The following OIP5 variants were observed in gnomAD, a reference collection of about 807,000 sequenced individuals.
OIP5 encodes the protein Opa interacting protein 5.
In OIP5, 24 loss-of-function variants were observed where a neutral mutation model predicts 20.3. The observed-to-expected ratio is 1.18, with a 90% CI of 0.86 to 1.66. The LOEUF (loss-of-function observed/expected upper bound fraction) is 1.66, where lower values mean the gene tolerates loss of function less well. Ranked by LOEUF, OIP5 falls within the 40% of genes most tolerant of loss-of-function variation. The pLI, the probability that OIP5 is intolerant of heterozygous loss-of-function variation, is 0.00. For synonymous variants in OIP5, 143 were observed against 121.3 expected (o/e 1.18, Z -1.17); for missense variants, 339 against 289.5 (o/e 1.17, Z -1.24).
At chr15:41,331,514 G>T (rs1055458557) in intron 2 of OIP5, among the ~76,000 whole-genome samples, 4 of 152,212 alleles carry the variant, frequency 2.6e-5, no homozygotes, top group Middle Eastern at 6.3e-3. Flanking sequence ...GAGCCAGGAA[G>T]GTAGGGGCTG....
chr15:41,315,066 C>T (rs1359947270), intron 3 of OIP5, among the ~76,000 whole-genome samples: 1 of 146,652 alleles, frequency 6.8e-6, no homozygotes, highest in East Asian at 2.0e-4. Context: ...GAACCATGAT[C>T]GCTCCAGCCT....
At chr15:41,319,849 C>G in intron 2 of OIP5, 69 bp from the exon 3 acceptor site, 1 of 1,348,936 alleles carries the variant, frequency 7.4e-7, no homozygotes, top group Non-Finnish European at 1.0e-6. Flanking sequence ...AATAACTAGT[C>G]TCTGAAGCAT....
intron 3 of OIP5, among the ~76,000 whole-genome samples, chr15:41,316,789 CAAAAAAAAA>C (rs11385589): frequency 1.4e-3 from 86 of 61,914 alleles, no homozygotes; most frequent in Non-Finnish European, 2.3e-3. Context: ...GACTCCATCT[CAAAAAAAAA>C]AAAAAAAAAA....
intron 2 of OIP5, among the ~76,000 whole-genome samples, chr15:41,321,217 C>T (rs977900642): frequency 4.0e-5 from 6 of 149,872 alleles, no homozygotes; most frequent in Admixed American, 2.6e-4. Context: ...GTCAGCCCCC[C>T]GCCCGGCCAG....
chr15:41,329,548 T>C (rs1207827753), intron 2 of OIP5, among the ~76,000 whole-genome samples: 1 of 151,992 alleles, frequency 6.6e-6, no homozygotes, highest in Non-Finnish European at 1.5e-5. Context: ...ACTCCCGACC[T>C]TGTGATCTGC....
At chr15:41,310,688 T>C (rs1465582211) in intron 4 of OIP5, among the ~76,000 whole-genome samples, 1 of 151,206 alleles carries the variant, frequency 6.6e-6, no homozygotes, top group Non-Finnish European at 1.5e-5. Flanking sequence ...AGACAAAACA[T>C]TGCTGAGCAG....
At position 41,322,429 on chromosome 15, in the gene OIP5, T is replaced by C. The variant is rs1281477308; in HGVS notation, c.390-2649A>G. ...TTGGTTTTTTTTTGAGACAAGTTCTTGCTCTGTCGCCCAGGTTAGAACGTA... is the reference window on the plus strand; with the variant it reads ...TTGGTTTTTTTTTGAGACAAGTTCTCGCTCTGTCGCCCAGGTTAGAACGTA... On this transcript the variant is annotated intron_variant, in intron 2 of 4. Coordinates refer to ENST00000220514, the MANE Select transcript of OIP5 (RefSeq NM_007280.2). Among the ~76,000 whole-genome samples the C allele has an allele frequency of 2.0e-5, 3 of 152,274 alleles. No individual in the cohort carries two copies. In the South Asian group the frequency reaches 6.2e-4, roughly 32 times the overall value.
At chr15:41,319,823 C>A in intron 2 of OIP5, 43 bp from the exon 3 acceptor site, 1 of 1,515,202 alleles carries the variant, frequency 6.6e-7, no homozygotes, top group Non-Finnish European at 8.9e-7. Flanking sequence ...AATAAAAAAT[C>A]ATATAAGAAA....
rs536529443 is a variant in OIP5 at position 41,329,883 on chromosome 15, T to C, written c.389+2032A>G. 4.6e-4 allele frequency among the ~76,000 whole-genome samples: 69 copies of C among 150,130 alleles called. 2 individuals carry two copies. In the Middle Eastern group the frequency reaches 0.018, roughly 39 times the overall value. On this transcript the variant is annotated intron_variant, in intron 2 of 4. Coordinates refer to ENST00000220514, the MANE Select transcript of OIP5 (RefSeq NM_007280.2). ...GCCCAGCTAATTTTTGTATTTCTAG[T>C]AGAAACAGTTTCACTATCTTGGCTA...
At chr15:41,320,860 T>C (rs1384025876) in intron 2 of OIP5, among the ~76,000 whole-genome samples, 5 of 132,766 alleles carry the variant, frequency 3.8e-5, no homozygotes, top group African/African-American at 1.2e-4. Context: ...CCGGCCGCCA[T>C]CCCATCTAGG....
chr15:41,331,990 A>G lies in OIP5; in HGVS notation c.323-9T>C. 2 of 1,613,810 alleles carry G rather than the reference A, an allele frequency of 1.2e-6. No homozygotes were observed. The highest frequency in any genetic ancestry group is 1.7e-6 in the Non-Finnish European group (2 of 1,179,770). ...GACGTTATTTGTAACTCCTAGGAAG[A>G]CAAACACGGGTCAGAACCCATACTC... is the stretch of plus-strand genomic sequence containing the variant. On this transcript the variant is annotated splice_polypyrimidine_tract_variant and intron_variant, in intron 1 of 4. Coordinates refer to ENST00000220514, the MANE Select transcript of OIP5 (RefSeq NM_007280.2).
chr15:41,319,990 T>C (rs575382964), intron 2 of OIP5, among the ~76,000 whole-genome samples: 9 of 152,184 alleles, frequency 5.9e-5, no homozygotes, highest in African/African-American at 9.7e-5. Flanking sequence ...TCGTATATTC[T>C]GGTCAAAGCA....
chr15:41,313,096 T>C (rs1352542088), intron 4 of OIP5, among the ~76,000 whole-genome samples, 177 bp downstream of exon 4: 6 of 152,224 alleles, frequency 3.9e-5, no homozygotes, highest in Admixed American at 2.0e-4. Flanking sequence ...TCCTGAACTA[T>C]ACCTTACAGT....
chr15:41,318,984 C>A (rs901476108), intron 3 of OIP5, among the ~76,000 whole-genome samples: 1 of 152,012 alleles, frequency 6.6e-6, no homozygotes, highest in East Asian at 1.9e-4. Flanking sequence ...ATTACAGGCG[C>A]GAGCCATCAC....
intron 2 of OIP5, among the ~76,000 whole-genome samples, chr15:41,330,409 A>AT (rs766498868): frequency 0.034 from 4,377 of 128,636 alleles, 240 homozygotes; most frequent in African/African-American, 0.1. Context: ...CGTAATCAGT[A>AT]TTTTTTTTTT....
intron 2 of OIP5, among the ~76,000 whole-genome samples, chr15:41,328,938 C>T (rs751304041): frequency 6.6e-6 from 1 of 151,362 alleles, no homozygotes; most frequent in Non-Finnish European, 1.5e-5. Context: ...TAGTGGCGTG[C>T]GCCTGGAATC....
chr15:41,332,121 T>C (rs1172949544), intron 1 of OIP5, 119 bp downstream of exon 1: 5 of 1,362,662 alleles, frequency 3.7e-6, no homozygotes, highest in Non-Finnish European at 3.1e-6. Flanking sequence ...AAGGAGTTAT[T>C]TGCTTCCAAC....
intron 3 of OIP5, among the ~76,000 whole-genome samples, chr15:41,316,590 A>C (rs1039953198): frequency 1.1e-4 from 16 of 152,010 alleles, no homozygotes; most frequent in Admixed American, 5.3e-4. Context: ...GGAGATCGAG[A>C]CCATCCTGGC....
intron 4 of OIP5, among the ~76,000 whole-genome samples, chr15:41,313,012 G>A (rs1290879451): frequency 6.6e-6 from 1 of 152,210 alleles, no homozygotes; most frequent in Non-Finnish European, 1.5e-5. Flanking sequence ...ACACCTCTAT[G>A]GCAAGATGAT....
Sources: allele counts gnomAD v4.1 joint callset (sites outside exome capture counted in the v4.1 genomes callset), GRCh38; gene constraint gnomAD v4.1.1; transcripts MANE v1.5; gene names NCBI Gene and HGNC (gene_info 2026-07-23, HGNC 2026-07-21).